ADAM12: variants seen among roughly 807,000 people sequenced by gnomAD.
ADAM12 encodes ADAM metallopeptidase domain 12.
A neutral mutation model predicts 106.4 loss-of-function variants in ADAM12; 70 were observed. The ratio of observed to expected loss-of-function variants is 0.66; its 90% CI spans 0.54 to 0.80. The LOEUF is 0.80. Ranked by LOEUF, ADAM12 falls within the 30% of genes least tolerant of loss-of-function variation. The probability of loss-of-function intolerance (pLI) is 0.00; values close to 1 mark genes in which losing one functional copy is unlikely to be tolerated. For synonymous variants in ADAM12, 420 were observed against 433.5 expected, an observed-to-expected ratio of 0.97 and a Z score of 0.39; for missense variants, 1,010 against 1,171.9, an observed-to-expected ratio of 0.86 and a Z score of 2.02.
rs776189590 is a variant in ADAM12 at position 126,043,087 on chromosome 10, T to G, written c.2057A>C (p.Lys686Thr). ...EAHWAPPFCDKFGFGGSTDSG... is the reference protein window; with the variant it reads ...EAHWAPPFCDTFGFGGSTDSG... Reference sequence around the variant, plus strand: ...GTCTGTGCTTCCTCCAAAGCCAAACTTGTCACAGAAGGGAGGTGCCCAGTG... The same window carrying G: ...GTCTGTGCTTCCTCCAAAGCCAAACGTGTCACAGAAGGGAGGTGCCCAGTG... Residue 686 changes from lysine (K) to threonine (T), a missense_variant, in exon 18 of 23, where the codon AAG becomes ACG. Physicochemically the swap from Lys to Thr is moderately conservative, Grantham distance 78. Transcript: ENST00000448723. The surrounding 1 kb of genome is among the most constrained non-coding windows in gnomAD (Gnocchi z 4.1). 1 of 1,614,030 alleles carries G rather than the reference T, an allele frequency of 6.2e-7. No individual in the cohort carries two copies. Among genetic ancestry groups the G allele is most frequent in the Non-Finnish European group, 8.5e-7 (1 of 1,180,016 alleles).
At chr10:126,225,987 C>T (rs1279437057) in intron 3 of ADAM12, among the ~76,000 whole-genome samples, 1 of 152,104 alleles carries the variant, frequency 6.6e-6, no homozygotes, top group Non-Finnish European at 1.5e-5. Context: ...ATGAAATGGG[C>T]ATCTGGGGTT....
intron 1 of ADAM12, among the ~76,000 whole-genome samples, chr10:126,345,921 T>C (rs1008243575): frequency 1.3e-5 from 2 of 152,232 alleles, no homozygotes; most frequent in African/African-American, 4.8e-5. Context: ...TCTTTTCTTA[T>C]TAGTCTTGCT....
chr10:126,367,475 T>C (rs532613180), intron 1 of ADAM12, among the ~76,000 whole-genome samples: 17 of 152,054 alleles, frequency 1.1e-4, no homozygotes, highest in African/African-American at 4.1e-4. Flanking sequence ...GAGAATGTTA[T>C]GTTAATATTC....
intron 3 of ADAM12, among the ~76,000 whole-genome samples, chr10:126,215,768 T>C (rs990768419): frequency 6.6e-6 from 1 of 152,184 alleles, no homozygotes; most frequent in African/African-American, 2.4e-5. Context: ...CCAGTGACAG[T>C]AAATTGTGTA....
At position 126,130,022 on chromosome 10, in the gene ADAM12, C is replaced by A. The variant is rs558545385; in HGVS notation, c.416+5562G>T. Among the ~76,000 whole-genome samples, 12 of 152,284 alleles carry A rather than the reference C, an allele frequency of 7.9e-5. No individual in the cohort carries two copies. The East Asian group carries it at 2.1e-3, about 27-fold the overall frequency. ...AGCAATGTGGGATGTTCTTTCGCTGCAAAACTGGAATCTGTTGGGCTGTAA... is the reference window on the plus strand; with the variant it reads ...AGCAATGTGGGATGTTCTTTCGCTGAAAAACTGGAATCTGTTGGGCTGTAA... On this transcript the variant is annotated intron_variant, in intron 5 of 22. Transcript: ENST00000448723.
intron 12 of ADAM12, among the ~76,000 whole-genome samples, chr10:126,070,111 G>A (rs1394772787): frequency 6.6e-6 from 1 of 152,160 alleles, no homozygotes; most frequent in Non-Finnish European, 1.5e-5. Flanking sequence ...TTTCCTTTAA[G>A]AAATTAACAA....
At chr10:126,278,436 G>A (rs965874523) in intron 3 of ADAM12, among the ~76,000 whole-genome samples, 2 of 152,080 alleles carry the variant, frequency 1.3e-5, no homozygotes, top group South Asian at 2.1e-4. Context: ...TCCACAAAAG[G>A]ACCAATTTTT....
intron 14 of ADAM12, among the ~76,000 whole-genome samples, chr10:126,050,666 C>T (rs1449663358): frequency 6.6e-6 from 1 of 152,158 alleles, no homozygotes; most frequent in Non-Finnish European, 1.5e-5. Context: ...ATACCTCGTC[C>T]CAGGGAACAG....
chr10:126,085,205 T>G (rs372264578), intron 11 of ADAM12, among the ~76,000 whole-genome samples: 14 of 152,354 alleles, frequency 9.2e-5, no homozygotes, highest in Middle Eastern at 3.4e-3. Flanking sequence ...CTCCTATTTA[T>G]CTGGGTTTTC....
At chr10:126,139,527 G>A (rs554614922) in intron 4 of ADAM12, among the ~76,000 whole-genome samples, 136 of 152,262 alleles carry the variant, frequency 8.9e-4, no homozygotes, top group Non-Finnish European at 1.4e-3. Context: ...TGAAAGTGCC[G>A]TGTGCTCCTT....
intron 5 of ADAM12, among the ~76,000 whole-genome samples, chr10:126,121,167 A>ATATATAC (rs1201757834): frequency 0.49 from 40,802 of 82,554 alleles, 10,851 homozygotes; most frequent in East Asian, 0.53. Context: ...TATATATACT[A>ATATATAC]TATATACTAT....
intron 2 of ADAM12, among the ~76,000 whole-genome samples, chr10:126,310,878 G>A (rs1961054026): frequency 6.6e-6 from 1 of 152,032 alleles, no homozygotes; most frequent in Non-Finnish European, 1.5e-5. Flanking sequence ...ACTATGAGAG[G>A]GATGATACAT....
At chr10:126,037,801 G>GTAAC (rs1008983375) in intron 20 of ADAM12, among the ~76,000 whole-genome samples, 4 of 152,162 alleles carry the variant, frequency 2.6e-5, no homozygotes. Context: ...AGAGCTCCAT[G>GTAAC]TAACTTTTGA....
intron 3 of ADAM12, among the ~76,000 whole-genome samples, chr10:126,173,150 A>G (rs113025916): frequency 0.031 from 4,661 of 152,226 alleles, 252 homozygotes; most frequent in African/African-American, 0.11. Context: ...ATAAATACCT[A>G]ATGTAGATGA....
At chr10:126,296,263 TC>T (rs1370555120) in intron 2 of ADAM12, among the ~76,000 whole-genome samples, 1 of 152,136 alleles carries the variant, frequency 6.6e-6, no homozygotes, top group Non-Finnish European at 1.5e-5. Flanking sequence ...CACCTCAGTT[TC>T]CTGAGTAGCT....
At chr10:126,181,145 C>A (rs975967776) in intron 3 of ADAM12, among the ~76,000 whole-genome samples, 8 of 150,538 alleles carry the variant, frequency 5.3e-5, no homozygotes, top group Admixed American at 6.6e-5. Context: ...GATCTTGGCT[C>A]ACTGCAACCT....
chr10:126,132,543 G>C (rs1409343106), intron 5 of ADAM12, among the ~76,000 whole-genome samples: 1 of 137,286 alleles, frequency 7.3e-6, no homozygotes, highest in Non-Finnish European at 1.6e-5. Flanking sequence ...CCCTCAACTA[G>C]TCCAGTCCCA....
intron 6 of ADAM12, among the ~76,000 whole-genome samples, chr10:126,114,458 G>C (rs191536988): frequency 5.3e-5 from 8 of 152,156 alleles, no homozygotes; most frequent in African/African-American, 1.4e-4. Context: ...GTGCTGCCCC[G>C]TTCCCCACCA....
chr10:126,210,474 TGCTAGGTGGAAAGA>T (rs1265955539), intron 3 of ADAM12, among the ~76,000 whole-genome samples: 1 of 152,140 alleles, frequency 6.6e-6, no homozygotes, highest in East Asian at 1.9e-4. Context: ...GCATGTCAGA[TGCTAGGTGGAAAGA>T]GCAAGGTGGA....
Sources: allele counts gnomAD v4.1 joint callset (sites outside exome capture counted in the v4.1 genomes callset), GRCh38; gene constraint gnomAD v4.1.1; non-coding constraint Gnocchi (gnomAD v3.1); transcripts MANE v1.5; gene names NCBI Gene and HGNC (gene_info 2026-07-23, HGNC 2026-07-21).